R3HDM2: variants seen among roughly 807,000 people sequenced by gnomAD.
R3HDM2 encodes R3H domain containing 2, also known as R3H domain-containing protein 2.
R3HDM2 carries 38 observed loss-of-function variants against 124.5 expected under a neutral mutation model. That is an observed-to-expected ratio of 0.31 (90% CI 0.24 to 0.40). R3HDM2 has a LOEUF of 0.40. R3HDM2 is among the 10% of genes least tolerant of loss of function. The pLI is 1.00. For missense variants in R3HDM2, 869 were observed against 1,236.9 expected (o/e 0.70, Z 4.46); for synonymous variants, 391 against 448.0 (o/e 0.87, Z 1.61).
chr12:57,343,368 T>C lies in R3HDM2; in HGVS notation c.-35-32905A>G, dbSNP rs540616492. 8.4e-4 allele frequency among the ~76,000 whole-genome samples: 128 copies of C among 152,034 alleles called. 1 individual carries two copies. The highest frequency in any genetic ancestry group is 2.6e-3 in the African/African-American group (107 of 41,480). On this transcript the variant is annotated intron_variant, in intron 2 of 23. Transcript: ENST00000402412. The stretch of plus-strand genomic sequence containing the variant: ...CCAGGCCCAGCTAATTTTGTATTTT[T>C]AGTAGAGACAGGGTTTCTCCAGGCT...
intron 8 of R3HDM2, 157 bp downstream of exon 8, chr12:57,297,171 T>C (rs959142746): frequency 9.2e-6 from 5 of 540,722 alleles, no homozygotes; most frequent in East Asian, 3.2e-5. Context: ...TGAAAAGATA[T>C]AAATTATTTT....
intron 1 of R3HDM2, among the ~76,000 whole-genome samples, chr12:57,414,609 T>G (rs2069384999): frequency 2.1e-5 from 3 of 145,702 alleles, no homozygotes; most frequent in African/African-American, 7.7e-5. Context: ...GGCAGAGAGA[T>G]CAGCTCAGCT....
intron 19 of R3HDM2, among the ~76,000 whole-genome samples, chr12:57,262,776 AG>A (rs2041207585): frequency 6.6e-6 from 1 of 152,198 alleles, no homozygotes; most frequent in African/African-American, 2.4e-5. Flanking sequence ...TTCCACAAAC[AG>A]GGATTAAAGA....
chr12:57,270,137 T>C, intron 14 of R3HDM2, 143 bp from the exon 15 acceptor site: 1 of 998,790 alleles, frequency 1.0e-6, no homozygotes, highest in African/African-American at 1.6e-5. Context: ...TGCTGTGCTA[T>C]GAATTGAATA....
At chr12:57,288,643 A>G (rs1001907854) in intron 12 of R3HDM2, among the ~76,000 whole-genome samples, 10 of 152,094 alleles carry the variant, frequency 6.6e-5, no homozygotes, top group African/African-American at 9.7e-5. Flanking sequence ...CCACCTGTTT[A>G]GGACTCGAAA....
chr12:57,334,669 G>A (rs1335880870), intron 2 of R3HDM2, among the ~76,000 whole-genome samples: 5 of 152,064 alleles, frequency 3.3e-5, no homozygotes, highest in Admixed American at 6.5e-5. Flanking sequence ...ATTTTTCCTT[G>A]TTGAATTTCA....
intron 13 of R3HDM2, 46 bp from the exon 14 acceptor site, chr12:57,280,576 G>A (rs1189380387): frequency 4.6e-6 from 7 of 1,514,572 alleles, no homozygotes; most frequent in Admixed American, 2.1e-5. Context: ...CATAAGCCAC[G>A]AACACATTAT....
intron 3 of R3HDM2, among the ~76,000 whole-genome samples, chr12:57,306,941 G>A (rs766245777): frequency 5.9e-5 from 9 of 152,100 alleles, no homozygotes; most frequent in Non-Finnish European, 1.2e-4. Context: ...CTTGAACCTG[G>A]CAGGCAGAGG....
intron 12 of R3HDM2, among the ~76,000 whole-genome samples, chr12:57,286,865 C>T (rs1001570860): frequency 6.6e-6 from 1 of 151,662 alleles, no homozygotes; most frequent in Non-Finnish European, 1.5e-5. Flanking sequence ...GCAACAAGAG[C>T]GAAACTCCAT....
At chr12:57,347,148 AGGAG>A (rs763795091) in intron 2 of R3HDM2, among the ~76,000 whole-genome samples, 11 of 152,112 alleles carry the variant, frequency 7.2e-5, no homozygotes, top group Non-Finnish European at 1.5e-4. Flanking sequence ...CAGGAGGCTG[AGGAG>A]GGAGGATCAC....
At chr12:57,321,328 A>G (rs771393855) in intron 2 of R3HDM2, among the ~76,000 whole-genome samples, 13 of 152,216 alleles carry the variant, frequency 8.5e-5, no homozygotes, top group Non-Finnish European at 1.6e-4. Flanking sequence ...AAGGTTGCTC[A>G]ACCTTACTGT....
chr12:57,365,839 G>A (rs1242205968), intron 2 of R3HDM2, among the ~76,000 whole-genome samples: 6 of 152,058 alleles, frequency 3.9e-5, no homozygotes, highest in Admixed American at 3.3e-4. Flanking sequence ...AGGAGGCTGA[G>A]GCAGGAGAAC....
At chr12:57,314,340 G>T (rs1243925049) in intron 2 of R3HDM2, among the ~76,000 whole-genome samples, 1 of 152,088 alleles carries the variant, frequency 6.6e-6, no homozygotes, top group Non-Finnish European at 1.5e-5. Flanking sequence ...TTAGCTGGGC[G>T]TGGTGGTGCA....
At chr12:57,428,491 A>G (rs1421824609) in intron 1 of R3HDM2, among the ~76,000 whole-genome samples, 1 of 36,844 alleles carries the variant, frequency 2.7e-5, no homozygotes, top group East Asian at 6.6e-4. Context: ...TTAGCCGGGT[A>G]TGGTGGGGGG....
chr12:57,313,882 GAAAAAA>G (rs869177467), intron 2 of R3HDM2, among the ~76,000 whole-genome samples: 1 of 60,494 alleles, frequency 1.7e-5, no homozygotes. Flanking sequence ...TCCTGTCTCT[GAAAAAA>G]AAAAAAAAAA....
intron 3 of R3HDM2, among the ~76,000 whole-genome samples, chr12:57,309,014 A>C (rs2053349034): frequency 6.6e-6 from 1 of 152,264 alleles, no homozygotes; most frequent in South Asian, 2.1e-4. Context: ...AAAAACAGCC[A>C]GGGCAGAGAC....
intron 3 of R3HDM2, among the ~76,000 whole-genome samples, chr12:57,308,247 G>C (rs1043989118): frequency 6.6e-6 from 1 of 151,200 alleles, no homozygotes; most frequent in Non-Finnish European, 1.5e-5. Context: ...GTGGAGCCAG[G>C]GTTTCACCAT....
intron 1 of R3HDM2, among the ~76,000 whole-genome samples, chr12:57,408,329 A>G (rs1016068339): frequency 6.6e-6 from 1 of 152,196 alleles, no homozygotes; most frequent in African/African-American, 2.4e-5. Context: ...GGACTCCCAA[A>G]GTGCCAGGAT....
chr12:57,373,185 A>C (rs941157970), intron 2 of R3HDM2, among the ~76,000 whole-genome samples: 1 of 152,164 alleles, frequency 6.6e-6, no homozygotes, highest in Non-Finnish European at 1.5e-5. Flanking sequence ...CTGGATGACA[A>C]AGCAAGACTC....
Sources: allele counts gnomAD v4.1 joint callset (sites outside exome capture counted in the v4.1 genomes callset), GRCh38; gene constraint gnomAD v4.1.1; transcripts MANE v1.5; gene names NCBI Gene and HGNC (gene_info 2026-07-23, HGNC 2026-07-21).